PLXNA4: variants seen among roughly 807,000 people sequenced by gnomAD.
PLXNA4 encodes the protein plexin-A4.
Under a neutral mutation model 191.8 loss-of-function variants are expected in PLXNA4, and 44 were observed. That is an observed-to-expected ratio of 0.23 (90% CI 0.18 to 0.29). PLXNA4 has a LOEUF of 0.29. Ranked by LOEUF, PLXNA4 falls within the 10% of genes least tolerant of loss-of-function variation. The pLI, the probability that PLXNA4 is intolerant of heterozygous loss-of-function variation, is 1.00. For missense variants in PLXNA4, 1,800 were observed against 2,488.8 expected (o/e 0.72, Z 5.89); for synonymous variants, 1,082 against 1,009.5 (o/e 1.07, Z -1.36).
chr7:132,177,486 A>G (rs531822934), intron 20 of PLXNA4, among the ~76,000 whole-genome samples: 1 of 152,302 alleles, frequency 6.6e-6, no homozygotes, highest in South Asian at 2.1e-4. Context: ...CCTTTGCTGT[A>G]AGACCCCTTC....
chr7:132,559,639 A>G (rs1486144203), intron 1 of PLXNA4, among the ~76,000 whole-genome samples: 1 of 152,200 alleles, frequency 6.6e-6, no homozygotes, highest in African/African-American at 2.4e-5. Context: ...CTCTCTCTCT[A>G]GCACTCTGCT....
chr7:132,617,185 G>A (rs1377120256), intron 2 of PLXNA4, among the ~76,000 whole-genome samples: 3 of 152,168 alleles, frequency 2.0e-5, no homozygotes, highest in African/African-American at 7.2e-5. Flanking sequence ...GCATGGGTTT[G>A]TTCTCTGAGG....
chr7:132,319,110 C>A (rs1039395011), intron 3 of PLXNA4, among the ~76,000 whole-genome samples: 3 of 152,190 alleles, frequency 2.0e-5, no homozygotes, highest in Non-Finnish European at 4.4e-5. Flanking sequence ...GAAACCTCCT[C>A]TCCTCTCTTC....
At chr7:132,424,126 C>T (rs1794949787) in intron 3 of PLXNA4, among the ~76,000 whole-genome samples, 2 of 152,164 alleles carry the variant, frequency 1.3e-5, no homozygotes, top group African/African-American at 4.8e-5. Context: ...GCCCACGCCT[C>T]CTCCTCGCCA....
intron 1 of PLXNA4, among the ~76,000 whole-genome samples, chr7:132,525,094 C>A (rs1157263339): frequency 6.6e-6 from 1 of 152,186 alleles, no homozygotes; most frequent in Admixed American, 6.5e-5. Flanking sequence ...CTGCCCCTGA[C>A]AACCTCCATT....
At chr7:132,588,634 A>AGGAAGGGGAG (rs1802545352) in intron 2 of PLXNA4, among the ~76,000 whole-genome samples, 1 of 59,944 alleles carries the variant, frequency 1.7e-5, no homozygotes, top group Non-Finnish European at 3.2e-5. Flanking sequence ...TGAGGAAGGA[A>AGGAAGGGGAG]GGAAGGGAAG....
At chr7:132,140,068 G>A (rs1456042194) in intron 30 of PLXNA4, among the ~76,000 whole-genome samples, 3 of 152,162 alleles carry the variant, frequency 2.0e-5, no homozygotes, top group Non-Finnish European at 2.9e-5. Flanking sequence ...TGATCACAAC[G>A]CTGCAAGAAC....
chr7:132,517,428 G>A (rs922300522), intron 1 of PLXNA4, among the ~76,000 whole-genome samples: 17 of 152,120 alleles, frequency 1.1e-4, no homozygotes, highest in South Asian at 2.1e-4. Context: ...TGAAAGATTC[G>A]TGCACCCACC....
intron 4 of PLXNA4, among the ~76,000 whole-genome samples, chr7:132,257,405 C>T (rs1157122465): frequency 6.6e-6 from 1 of 152,236 alleles, no homozygotes; most frequent in Non-Finnish European, 1.5e-5. Flanking sequence ...TCATCTGGGG[C>T]CTGGCAAGAT....
chr7:132,371,904 G>C (rs1585047936), intron 3 of PLXNA4, among the ~76,000 whole-genome samples: 2 of 152,250 alleles, frequency 1.3e-5, no homozygotes, highest in Admixed American at 1.3e-4. Context: ...AACTTGATTG[G>C]GAAGGTAAGC....
chr7:132,388,489 C>T (rs1805255029), intron 3 of PLXNA4, among the ~76,000 whole-genome samples: 1 of 152,008 alleles, frequency 6.6e-6, no homozygotes, highest in African/African-American at 2.4e-5. Flanking sequence ...TAATTTTGTA[C>T]TTATTATTGT....
intron 10 of PLXNA4, 68 bp from the exon 11 acceptor site, chr7:132,203,487 T>G (rs1303966649): frequency 1.1e-5 from 15 of 1,389,032 alleles, no homozygotes; most frequent in South Asian, 7.0e-5. Context: ...AGGGCCCAAA[T>G]GATCAGCCTA....
intron 21 of PLXNA4, among the ~76,000 whole-genome samples, chr7:132,171,479 C>T (rs76257901): frequency 8.8e-4 from 134 of 152,322 alleles, no homozygotes; most frequent in South Asian, 2.9e-3. Flanking sequence ...AAAGCCTTCC[C>T]GTGCAGGGCC....
chr7:132,316,428 C>G lies in PLXNA4; in HGVS notation c.1372-18206G>C, dbSNP rs144096391. Among the ~76,000 whole-genome samples the G allele has an allele frequency of 4.7e-3, 720 of 152,326 alleles. 4 individuals are homozygous for G. The highest frequency in any genetic ancestry group is 0.015 in the African/African-American group (624 of 41,572). On this transcript the variant is annotated intron_variant, in intron 3 of 31. Coordinates refer to ENST00000321063, the MANE Select transcript of PLXNA4 (RefSeq NM_020911.2). ...ACTTAGGAGGAACATTTCATTTTAG[C>G]ACTTTACGGATCAAGTCACTATGGG...
chr7:132,217,873 G>A (rs1798013703), intron 9 of PLXNA4, among the ~76,000 whole-genome samples: 1 of 151,188 alleles, frequency 6.6e-6, no homozygotes. Flanking sequence ...CATGGGTGGG[G>A]AGCGTGTTCT....
At chr7:132,624,656 C>G (rs1231282360) in intron 2 of PLXNA4, among the ~76,000 whole-genome samples, 1 of 152,162 alleles carries the variant, frequency 6.6e-6, no homozygotes, top group African/African-American at 2.4e-5. Context: ...GTTCCTGGGT[C>G]CTGGTATAAG....
intron 3 of PLXNA4, among the ~76,000 whole-genome samples, chr7:132,309,834 G>A (rs917804389): frequency 5.9e-5 from 9 of 152,192 alleles, no homozygotes; most frequent in African/African-American, 2.2e-4. Context: ...TAACTCAGAG[G>A]AAGGATGCTG....
chr7:132,254,708 G>A lies in PLXNA4; in HGVS notation c.1504-13542C>T, dbSNP rs139518485. On this transcript the variant is annotated intron_variant, in intron 4 of 31. Coordinates refer to ENST00000321063, the MANE Select transcript of PLXNA4 (RefSeq NM_020911.2). Reference sequence around the variant, plus strand: ...CCATCTGCCAGGAGCTGACCCCACCGGACTGTAGTAGTAGGCCAGTTGCTT... The same window carrying A: ...CCATCTGCCAGGAGCTGACCCCACCAGACTGTAGTAGTAGGCCAGTTGCTT... Among the ~76,000 whole-genome samples, 15 of 152,246 alleles carry A rather than the reference G, an allele frequency of 9.9e-5. No individual in the cohort carries two copies. The East Asian group carries it at 1.9e-3, about 20-fold the overall frequency.
intron 1 of PLXNA4, among the ~76,000 whole-genome samples, chr7:132,569,286 C>A (rs1008407591): frequency 6.6e-5 from 10 of 152,216 alleles, no homozygotes; most frequent in Non-Finnish European, 1.2e-4. Context: ...TGTTCTCCTT[C>A]CTTCCCTACC....
Sources: gnomAD v4.1 joint callset for allele counts (sites outside exome capture counted in the v4.1 genomes callset) on GRCh38, gnomAD v4.1.1 for gene constraint, MANE v1.5 for transcripts, NCBI Gene and HGNC (gene_info 2026-07-23, HGNC 2026-07-21) for gene names.